Variants in CYP27A1 observed in about 807,000 individuals in gnomAD.
CYP27A1 encodes sterol 26-hydroxylase, mitochondrial.
Under a neutral mutation model 58.2 loss-of-function variants are expected in CYP27A1, and 46 were observed. The observed-to-expected ratio is 0.79, with a 90% CI of 0.62 to 1.01. The LOEUF is 1.01. CYP27A1 is among the 50% of genes least tolerant of loss of function. The pLI, the probability that CYP27A1 is intolerant of heterozygous loss-of-function variation, is 0.00. For synonymous variants in CYP27A1, 274 were observed against 285.1 expected, an observed-to-expected ratio of 0.96 and a Z score of 0.39; for missense variants, 704 against 687.0, an observed-to-expected ratio of 1.02 and a Z score of -0.28.
intron 1 of CYP27A1, among the ~76,000 whole-genome samples, chr2:218,792,143 T>TA (rs551511619): frequency 3.2e-4 from 48 of 152,040 alleles, no homozygotes; most frequent in African/African-American, 1.0e-3. Flanking sequence ...GAACTTTTAA[T>TA]AAAAAAAAGC....
At position 218,809,777 on chromosome 2, in the gene CYP27A1, G is replaced by C. The variant is rs200400166; in HGVS notation, c.446+10G>C. Reference sequence around the variant, plus strand: ...ATGGGCCGTTCACCACGTGAGCTGGGGCCTGAAGGGACTGGAACAGGGCCC... The same window carrying C: ...ATGGGCCGTTCACCACGTGAGCTGGCGCCTGAAGGGACTGGAACAGGGCCC... On this transcript the variant is annotated intron_variant, in intron 2 of 8. Coordinates refer to ENST00000258415, the MANE Select transcript of CYP27A1 (RefSeq NM_000784.4). 6.2e-7 allele frequency: 1 copy of C among 1,611,520 alleles called. No homozygotes were observed. Among genetic ancestry groups the C allele is most frequent in the East Asian group, 2.2e-5 (1 of 44,816 alleles).
chr2:218,806,390 A>G (rs1943651338), intron 1 of CYP27A1, among the ~76,000 whole-genome samples: 1 of 152,212 alleles, frequency 6.6e-6, no homozygotes, highest in Admixed American at 6.5e-5. Flanking sequence ...AAATGTCTAG[A>G]GACATCTGTG....
chr2:218,782,606 G>T lies in CYP27A1; in HGVS notation c.255+169G>T, dbSNP rs1047620643. Among the ~76,000 whole-genome samples the T allele has an allele frequency of 3.3e-5, 5 of 152,166 alleles. No individual in the cohort carries two copies. Reference sequence around the variant, plus strand: ...CAGTAGGGAGAATGGGCAAAGTGCAGACAGAGCCCTTTGAGCTGAGATAAA... The same window carrying T: ...CAGTAGGGAGAATGGGCAAAGTGCATACAGAGCCCTTTGAGCTGAGATAAA... On this transcript the variant is annotated intron_variant, in intron 1 of 8. Transcript: ENST00000258415. This position sits in a 1 kb window ranked among gnomAD's most constrained non-coding sequence, Gnocchi z 4.1.
chr2:218,798,760 G>A (rs1943571244), intron 1 of CYP27A1, among the ~76,000 whole-genome samples: 1 of 152,166 alleles, frequency 6.6e-6, no homozygotes, highest in Non-Finnish European at 1.5e-5. Context: ...GCATATGCCT[G>A]TAATCCCAGG....
chr2:218,809,087 T>C (rs1943681877), intron 1 of CYP27A1, among the ~76,000 whole-genome samples: 1 of 152,208 alleles, frequency 6.6e-6, no homozygotes, highest in Non-Finnish European at 1.5e-5. Context: ...TATTGTTTTT[T>C]CTGTTTTCTC....
chr2:218,812,807 C>T (rs1943737765), intron 4 of CYP27A1, 58 bp downstream of exon 4: 23 of 1,604,970 alleles, frequency 1.4e-5, no homozygotes, highest in Non-Finnish European at 1.9e-5. Flanking sequence ...CAGGTCTGTG[C>T]ATCAGCGGTC....
Position 218,792,022 on chromosome 2 carries a change from C to CA in CYP27A1, c.255+9585_255+9586insA, listed in dbSNP as rs200463775. 8.7e-3 allele frequency among the ~76,000 whole-genome samples: 1,329 copies of CA among 151,980 alleles called. 16 individuals carry two copies. The highest frequency in any genetic ancestry group is 0.03 in the African/African-American group (1,258 of 41,420). On this transcript the variant is annotated intron_variant, in intron 1 of 8. Coordinates refer to ENST00000258415, the MANE Select transcript of CYP27A1 (RefSeq NM_000784.4). ...TTCCCAGGAATATGGGTTTGACAAA[C>CA]CAAATATTGGTCATAAACTATTTTA...
chr2:218,784,371 G>A (rs952220135), intron 1 of CYP27A1, among the ~76,000 whole-genome samples: 6 of 152,198 alleles, frequency 3.9e-5, no homozygotes, highest in African/African-American at 1.4e-4. Context: ...TTGTTTCTCT[G>A]ATTTTAGATT....
rs751692931 is a variant in CYP27A1 at position 218,812,571 on chromosome 2, C to T, written c.666C>T (p.Phe222=). Residue 222 remains phenylalanine, a synonymous_variant, in exon 4 of 9, where the codon TTC becomes TTT. Transcript: ENST00000258415. The part of the protein sequence containing the change: ...FALEAICYIL[F]EKRIGCLQRS... Reference sequence around the variant, plus strand: ...ACTCAGCTATTTGCTACATCCTGTTCGAGAAACGCATTGGCTGCCTGCAGC... The same window carrying T: ...ACTCAGCTATTTGCTACATCCTGTTTGAGAAACGCATTGGCTGCCTGCAGC... 6.6e-5 allele frequency: 107 copies of T among 1,614,052 alleles called. No individual in the cohort carries two copies. The highest frequency in any genetic ancestry group is 8.4e-5 in the Non-Finnish European group (99 of 1,180,050).
rs562478738 is a variant in CYP27A1, at chr2:218,814,502, C to T, written c.1264-43C>T. 9.3e-6 allele frequency: 15 copies of T among 1,612,876 alleles called. No individual in the cohort carries two copies. In the African/African-American group the frequency reaches 1.1e-4, roughly 11 times the overall value. On this transcript the variant is annotated intron_variant, in intron 7 of 8. Coordinates refer to ENST00000258415, the MANE Select transcript of CYP27A1 (RefSeq NM_000784.4). Reference sequence around the variant, plus strand: ...CCCGATTGCCCAGGAGTGCCCTATGCCCCCGAAGAGAGGCATTCATGCTGC... The same window carrying T: ...CCCGATTGCCCAGGAGTGCCCTATGTCCCCGAAGAGAGGCATTCATGCTGC...
At chr2:218,785,907 G>A (rs1943436455) in intron 1 of CYP27A1, among the ~76,000 whole-genome samples, 1 of 152,196 alleles carries the variant, frequency 6.6e-6, no homozygotes, top group South Asian at 2.1e-4. Context: ...CTATAAAGCA[G>A]CTTTATTGGC....
chr2:218,812,418 G>T lies in CYP27A1; in HGVS notation c.643G>T (p.Glu215Ter), dbSNP rs761663976. Residue 215 changes from glutamate (E) to a stop codon, truncating the protein, a stop_gained, in exon 3 of 9, where the codon GAA becomes TAA. Transcript: ENST00000258415. LOFTEE classifies it high-confidence loss of function. Reference protein sequence around the residue: ...MAQLFYYFALEAICYILFEKR... With the variant: ...MAQLFYYFAL ...TCAACTCTTCTACTACTTTGCCTTG[G>T]AAGGTACCCTTGCTGGGAGAGGGGC... The T allele has an allele frequency of 6.2e-7, 1 of 1,614,200 alleles. No homozygotes were observed. Among genetic ancestry groups the T allele is most frequent in the Admixed American group, 1.7e-5 (1 of 60,024 alleles).
At chr2:218,811,951 A>G (rs1391283031) in intron 2 of CYP27A1, among the ~76,000 whole-genome samples, 1 of 152,206 alleles carries the variant, frequency 6.6e-6, no homozygotes, top group Non-Finnish European at 1.5e-5. Context: ...TCCCTCTGCC[A>G]GGAGTGGTCA....
At position 218,802,270 on chromosome 2, in the gene CYP27A1, C is replaced by T. The variant is rs189911667; in HGVS notation, c.256-7307C>T. The stretch of plus-strand genomic sequence containing the variant: ...TCCAAGTGTGCGCTCACCATTGCTC[C>T]ATCTGTAAGGGTGCACCCTCCATAG... On this transcript the variant is annotated intron_variant, in intron 1 of 8. Transcript: ENST00000258415. Among the ~76,000 whole-genome samples the T allele has an allele frequency of 1.1e-3, 173 of 151,388 alleles. 1 individual carries two copies. The highest frequency in any genetic ancestry group is 3.9e-3 in the African/African-American group (161 of 41,218).
At chr2:218,796,394 A>T (rs1187901449) in intron 1 of CYP27A1, among the ~76,000 whole-genome samples, 1 of 152,198 alleles carries the variant, frequency 6.6e-6, no homozygotes, top group Non-Finnish European at 1.5e-5. Context: ...GGAGTTCGAG[A>T]CTAGCCTGGC....
Position 218,782,313 on chromosome 2 carries a change from C to G in CYP27A1, c.131C>G (p.Pro44Arg). ...ALPSDKATGA[P>R]GAGPGVRRRQ... ...CCCTCGGACAAGGCCACCGGAGCTC[C>G]CGGAGCCGGGCCTGGTGTCCGGCGG... is the stretch of plus-strand genomic sequence containing the variant. Residue 44 changes from proline (P) to arginine (R), a missense_variant, in exon 1 of 9, where the codon CCC becomes CGC. Coordinates refer to ENST00000258415, the MANE Select transcript of CYP27A1 (RefSeq NM_000784.4). This position sits in a 1 kb window ranked among gnomAD's most constrained non-coding sequence, Gnocchi z 4.1. 1 of 1,610,984 alleles carries G rather than the reference C, an allele frequency of 6.2e-7. No homozygotes were observed. Among genetic ancestry groups the G allele is most frequent in the Non-Finnish European group, 8.5e-7 (1 of 1,178,566 alleles).
chr2:218,814,020 G>C lies in CYP27A1; in HGVS notation c.1018-1G>C, dbSNP rs1575206658. On this transcript the variant is annotated splice_acceptor_variant, in intron 5 of 8. Coordinates refer to ENST00000258415, the MANE Select transcript of CYP27A1 (RefSeq NM_000784.4). LOFTEE classifies it high-confidence loss of function. ...ACCTGATCTCCCACTCTATCTTCTAGACATCCAACACGCTGACATGGGCCC... is the reference window on the plus strand; with the variant it reads ...ACCTGATCTCCCACTCTATCTTCTACACATCCAACACGCTGACATGGGCCC... 1 of 1,614,112 alleles carries C rather than the reference G, an allele frequency of 6.2e-7. No homozygotes were observed. The highest frequency in any genetic ancestry group is 2.2e-5 in the East Asian group (1 of 44,888).
At chr2:218,812,176 C>A (rs1366167015) in intron 2 of CYP27A1, 46 bp from the exon 3 acceptor site, 3 of 1,472,794 alleles carry the variant, frequency 2.0e-6, no homozygotes, top group East Asian at 2.3e-5. Flanking sequence ...CTTAATTGAA[C>A]CCCCATAGAG....
intron 1 of CYP27A1, among the ~76,000 whole-genome samples, chr2:218,802,963 G>A (rs779419717): frequency 6.6e-6 from 1 of 151,880 alleles, no homozygotes. Context: ...TATTTATTTT[G>A]AGGCAGAGTC....
Sources: allele counts gnomAD v4.1 joint callset (sites outside exome capture counted in the v4.1 genomes callset), GRCh38; gene constraint gnomAD v4.1.1; non-coding constraint Gnocchi (gnomAD v3.1); transcripts MANE v1.5; gene names NCBI Gene and HGNC (gene_info 2026-07-23, HGNC 2026-07-21).